The following BAG4 variants were observed in gnomAD, a reference collection of about 807,000 sequenced individuals.
BAG4 encodes the protein BAG cochaperone 4, also known as BAG family molecular chaperone regulator 4.
BAG4 carries 28 observed loss-of-function variants against 52.1 expected under a neutral mutation model. That is an observed-to-expected ratio of 0.54 (90% CI 0.40 to 0.74). The LOEUF is 0.74. Ranked by LOEUF, BAG4 falls within the 30% of genes least tolerant of loss-of-function variation. The pLI, the probability that BAG4 is intolerant of heterozygous loss-of-function variation, is 0.00. For synonymous variants in BAG4, 208 were observed against 217.0 expected, an observed-to-expected ratio of 0.96 and a Z score of 0.37; for missense variants, 525 against 572.0, an observed-to-expected ratio of 0.92 and a Z score of 0.84.
At chr8:38,199,673 G>C (rs996296044) in intron 2 of BAG4, among the ~76,000 whole-genome samples, 4 of 151,986 alleles carry the variant, frequency 2.6e-5, no homozygotes, top group African/African-American at 9.6e-5. Flanking sequence ...AAAGGTGCCC[G>C]CCACCACACC....
At chr8:38,181,256 C>T (rs1322507592) in intron 1 of BAG4, among the ~76,000 whole-genome samples, 5 of 143,018 alleles carry the variant, frequency 3.5e-5, no homozygotes, top group African/African-American at 7.9e-5. Context: ...TTTTTTGAGA[C>T]GGAGTTTTGC....
At chr8:38,182,767 A>C (rs763922205) in intron 1 of BAG4, among the ~76,000 whole-genome samples, 1 of 152,162 alleles carries the variant, frequency 6.6e-6, no homozygotes, top group Non-Finnish European at 1.5e-5. Flanking sequence ...TTTCACTGTT[A>C]CTAGGGATAT....
At chr8:38,197,643 A>G (rs1011308231) in intron 2 of BAG4, among the ~76,000 whole-genome samples, 2 of 152,192 alleles carry the variant, frequency 1.3e-5, no homozygotes, top group East Asian at 1.9e-4. Context: ...ATAAATTTGT[A>G]TAACAATTCT....
chr8:38,213,247 A>G lies in BAG4; in HGVS notation c.*2754A>G, dbSNP rs1803891349. 6.6e-6 allele frequency: 1 copy of G among 151,968 alleles called. No homozygotes were observed. Among genetic ancestry groups the G allele is most frequent in the Non-Finnish European group, 1.5e-5 (1 of 67,992 alleles). 9.4% of individuals were successfully genotyped at this position (151,968 alleles called of 1,614,324 possible). On this transcript the variant is annotated 3_prime_UTR_variant, in exon 5 of 5. Coordinates refer to ENST00000287322, the MANE Select transcript of BAG4 (RefSeq NM_004874.4). The stretch of plus-strand genomic sequence containing the variant: ...TGTCTACATTTATATTACTTTGGGG[A>G]TCATTTTGTCAAAGTCTTGAATAAA...
At chr8:38,189,190 C>T (rs1001133766) in intron 1 of BAG4, among the ~76,000 whole-genome samples, 1 of 152,040 alleles carries the variant, frequency 6.6e-6, no homozygotes, top group Non-Finnish European at 1.5e-5. Flanking sequence ...AGTGACCCAC[C>T]CACCTCGGCC....
intron 1 of BAG4, among the ~76,000 whole-genome samples, chr8:38,181,915 A>AAAAAAAAAAAG (rs1554506184): frequency 1.5e-5 from 2 of 134,632 alleles, no homozygotes; most frequent in Non-Finnish European, 3.2e-5. Flanking sequence ...AAAAAAAAAA[A>AAAAAAAAAAAG]AGGAAGTAAG....
intron 4 of BAG4, 176 bp downstream of exon 4, chr8:38,209,443 T>A: frequency 1.4e-6 from 1 of 733,968 alleles, no homozygotes; most frequent in Non-Finnish European, 2.1e-6. Flanking sequence ...TAATAGACTT[T>A]ATATTTAGAG....
At chr8:38,209,603 A>C (rs185600638) in intron 4 of BAG4, 40 of 382,058 alleles carry the variant, frequency 1.0e-4, no homozygotes, top group Non-Finnish European at 2.4e-5. Context: ...AAATATCTGT[A>C]GCATGAGCTT....
chr8:38,201,830 G>A (rs1289782933), intron 2 of BAG4: 1 of 76,272 alleles, frequency 1.3e-5, no homozygotes, highest in Non-Finnish European at 2.3e-5. Flanking sequence ...TCTGAGTGTG[G>A]AATTTATATA....
chr8:38,178,130 C>T (rs1563277961), intron 1 of BAG4, among the ~76,000 whole-genome samples: 1 of 151,700 alleles, frequency 6.6e-6, no homozygotes, highest in Admixed American at 6.6e-5. Flanking sequence ...TATTCATAAT[C>T]GCCAAAAAGT....
At chr8:38,209,919 G>A in intron 4 of BAG4, 89 bp from the exon 5 acceptor site, 1 of 1,496,424 alleles carries the variant, frequency 6.7e-7, no homozygotes, top group South Asian at 1.3e-5. Flanking sequence ...TACCTTTCTG[G>A]TCAAGTGAAA....
At chr8:38,201,927 G>A (rs1803686535) in intron 2 of BAG4, 1 of 101,194 alleles carries the variant, frequency 9.9e-6, no homozygotes. Flanking sequence ...TGTTAATGTT[G>A]CTAAGGTGTC....
chr8:38,207,847 A>G, intron 3 of BAG4, 81 bp downstream of exon 3: 1 of 1,486,356 alleles, frequency 6.7e-7, no homozygotes, highest in African/African-American at 1.4e-5. Flanking sequence ...TGTTCATACT[A>G]GTGCTGATTT....
At chr8:38,183,281 T>C (rs1803305316) in intron 1 of BAG4, among the ~76,000 whole-genome samples, 1 of 152,062 alleles carries the variant, frequency 6.6e-6, no homozygotes, top group African/African-American at 2.4e-5. Flanking sequence ...TCTCCTGACC[T>C]TGTGATCCAC....
At chr8:38,190,450 C>G (rs1803455729) in intron 1 of BAG4, among the ~76,000 whole-genome samples, 1 of 152,104 alleles carries the variant, frequency 6.6e-6, no homozygotes. Context: ...AAGATGGGGT[C>G]TTACTCTGTT....
intron 2 of BAG4, among the ~76,000 whole-genome samples, chr8:38,195,478 A>T (rs185072178): frequency 1.8e-3 from 272 of 152,262 alleles, no homozygotes; most frequent in African/African-American, 6.3e-3. Context: ...TTTTGTAGAG[A>T]CAGGGTCTTG....
intron 2 of BAG4, among the ~76,000 whole-genome samples, chr8:38,206,947 ATTT>A (rs11352165): frequency 1.8e-5 from 2 of 111,046 alleles, no homozygotes; most frequent in Non-Finnish European, 3.7e-5. Context: ...GGCCTAGATA[ATTT>A]TTTTTTTTTT....
In BAG4 at chr8:38,211,533, A is replaced by G. The variant is rs1803869844; in HGVS notation, c.*1040A>G. 6.6e-6 allele frequency: 1 copy of G among 152,026 alleles called. No homozygotes were observed. Among genetic ancestry groups the G allele is most frequent in the South Asian group, 2.1e-4 (1 of 4,832 alleles). 9.4% of individuals were successfully genotyped at this position (152,026 alleles called of 1,614,324 possible). ...TGATTACTTGGTAATATCATTCTCC[A>G]TCTAAAATACTAGTTTCACCTGTGA... On this transcript the variant is annotated 3_prime_UTR_variant, in exon 5 of 5. Coordinates refer to ENST00000287322, the MANE Select transcript of BAG4 (RefSeq NM_004874.4).
At chr8:38,177,181 C>A (rs1803174062) in intron 1 of BAG4, 42 bp downstream of exon 1, 1 of 1,600,492 alleles carries the variant, frequency 6.2e-7, no homozygotes, top group Non-Finnish European at 8.5e-7. Flanking sequence ...GGTGAGGGCC[C>A]TTGGGGCTGG....
Sources: gnomAD v4.1 joint callset for allele counts (sites outside exome capture counted in the v4.1 genomes callset) on GRCh38, gnomAD v4.1.1 for gene constraint, MANE v1.5 for transcripts, NCBI Gene and HGNC (gene_info 2026-07-23, HGNC 2026-07-21) for gene names.